Variants in RNGTT observed in about 807,000 individuals in gnomAD.
The protein encoded by RNGTT is mRNA-capping enzyme.
Under a neutral mutation model 79.3 loss-of-function variants are expected in RNGTT, and 33 were observed. That is an observed-to-expected ratio of 0.42 (90% CI 0.32 to 0.56). RNGTT has a LOEUF of 0.56. Ranked by LOEUF, RNGTT falls within the 20% of genes least tolerant of loss-of-function variation. RNGTT has a pLI of 0.17. For missense variants in RNGTT, 497 were observed against 739.1 expected (o/e 0.67, Z 3.80); for synonymous variants, 222 against 235.9 (o/e 0.94, Z 0.54).
intron 11 of RNGTT, among the ~76,000 whole-genome samples, chr6:88,843,628 G>A (rs190997200): frequency 1.1e-3 from 153 of 136,880 alleles, no homozygotes; most frequent in Non-Finnish European, 1.5e-3. Context: ...GCGCAATCTC[G>A]GCTCACTGCA....
At chr6:88,708,808 G>T (rs73496451) in intron 13 of RNGTT, among the ~76,000 whole-genome samples, 1,959 of 152,072 alleles carry the variant, frequency 0.013, 47 homozygotes, top group African/African-American at 0.045. Context: ...AAGAAAAGGG[G>T]TTTTTGAATC....
intron 14 of RNGTT, among the ~76,000 whole-genome samples, chr6:88,644,860 A>AT (rs1390817152): frequency 1.3e-5 from 2 of 152,224 alleles, no homozygotes; most frequent in Admixed American, 6.5e-5. Flanking sequence ...TCTCAAAACA[A>AT]TAAGAGCTAT....
intron 1 of RNGTT, among the ~76,000 whole-genome samples, chr6:88,951,430 C>T (rs1225957538): frequency 2.6e-5 from 4 of 152,166 alleles, no homozygotes; most frequent in African/African-American, 9.7e-5. Flanking sequence ...GAAAGTTCTA[C>T]CATGGCTAAA....
At chr6:88,731,461 T>C (rs893210160) in intron 13 of RNGTT, among the ~76,000 whole-genome samples, 3 of 152,254 alleles carry the variant, frequency 2.0e-5, no homozygotes, top group East Asian at 3.9e-4. Flanking sequence ...TGGAATGAGA[T>C]AGTGATTTTA....
At chr6:88,879,822 T>C (rs1338119778) in intron 8 of RNGTT, among the ~76,000 whole-genome samples, 1 of 152,194 alleles carries the variant, frequency 6.6e-6, no homozygotes, top group East Asian at 1.9e-4. Context: ...GACTGTCTTT[T>C]AAGGAGAATG....
intron 4 of RNGTT, among the ~76,000 whole-genome samples, chr6:88,919,519 G>A (rs1784099017): frequency 6.6e-6 from 1 of 151,830 alleles, no homozygotes. Flanking sequence ...GTATAGACAG[G>A]GTCTCTCTAT....
intron 8 of RNGTT, among the ~76,000 whole-genome samples, chr6:88,854,063 T>C (rs1781763343): frequency 6.6e-6 from 1 of 152,032 alleles, no homozygotes; most frequent in African/African-American, 2.4e-5. Flanking sequence ...TAGCTGGAAT[T>C]ACAGGTGTGT....
chr6:88,774,949 TAAAC>T (rs1327534879), intron 12 of RNGTT, among the ~76,000 whole-genome samples: 23 of 152,282 alleles, frequency 1.5e-4, no homozygotes, highest in Admixed American at 4.6e-4. Flanking sequence ...ATTATTTTAA[TAAAC>T]AAAAGCTTTG....
intron 10 of RNGTT, among the ~76,000 whole-genome samples, chr6:88,846,000 TAA>T (rs202222998): frequency 9.8e-5 from 14 of 142,928 alleles, no homozygotes; most frequent in African/African-American, 1.8e-4. Context: ...TTTTATGTTC[TAA>T]AAAAAAAAAA....
chr6:88,687,776 A>G (rs1005400350), intron 13 of RNGTT, among the ~76,000 whole-genome samples: 2 of 152,222 alleles, frequency 1.3e-5, no homozygotes, highest in Admixed American at 1.3e-4. Context: ...GAAGGCTAAA[A>G]CAGAAACTAA....
chr6:88,774,400 G>A (rs1035652560), intron 12 of RNGTT, among the ~76,000 whole-genome samples: 1 of 152,068 alleles, frequency 6.6e-6, no homozygotes, highest in African/African-American at 2.4e-5. Flanking sequence ...AGCCACTATA[G>A]ATAAAAGGTT....
rs148306330 is a variant in RNGTT, at chr6:88,764,920, C to T, written c.1439+4854G>A. On this transcript the variant is annotated intron_variant, in intron 13 of 15. Coordinates refer to ENST00000369485, the MANE Select transcript of RNGTT (RefSeq NM_003800.5). ...AAAAAATTACATTTTGGGCCAGGTGCGGTGGCTCACACCTGTAATCCCAGC... is the reference window on the plus strand; with the variant it reads ...AAAAAATTACATTTTGGGCCAGGTGTGGTGGCTCACACCTGTAATCCCAGC... Among the ~76,000 whole-genome samples, 759 of 152,148 alleles carry T rather than the reference C, an allele frequency of 5.0e-3. 5 individuals are homozygous for T. Among genetic ancestry groups the T allele is most frequent in the African/African-American group, 0.017 (702 of 41,518 alleles).
chr6:88,741,997 A>G (rs1245602356), intron 13 of RNGTT, among the ~76,000 whole-genome samples: 1 of 152,224 alleles, frequency 6.6e-6, no homozygotes, highest in Non-Finnish European at 1.5e-5. Context: ...CATTACAAGA[A>G]GAAAGCTGAA....
chr6:88,908,289 C>T (rs1385690804), intron 4 of RNGTT, among the ~76,000 whole-genome samples: 1 of 152,054 alleles, frequency 6.6e-6, no homozygotes, highest in African/African-American at 2.4e-5. Context: ...CTTTGAAAGA[C>T]ATCATTAAGA....
intron 7 of RNGTT, 51 bp downstream of exon 7, chr6:88,891,755 T>G: frequency 8.9e-7 from 1 of 1,120,544 alleles, no homozygotes; most frequent in South Asian, 1.6e-5. Context: ...TTGTATTAAG[T>G]GTTGTAAAAT....
At chr6:88,637,535 G>A (rs1198877547) in intron 14 of RNGTT, among the ~76,000 whole-genome samples, 1 of 152,072 alleles carries the variant, frequency 6.6e-6, no homozygotes, top group African/African-American at 2.4e-5. Context: ...CCTGAGCAGT[G>A]CCCCATGCAA....
Position 88,614,404 on chromosome 6 carries a change from A to G in RNGTT, c.1507-9T>C, listed in dbSNP as rs1184687359. 2 of 1,612,758 alleles carry G rather than the reference A, an allele frequency of 1.2e-6. No homozygotes were observed. The highest frequency in any genetic ancestry group is 2.2e-5 in the South Asian group (2 of 90,930). ...TTCAGCTCTTTTGTCACCTGTTTTG[A>G]AAGAGAATTGAGGAAAATATTTAAA... On this transcript the variant is annotated splice_polypyrimidine_tract_variant and intron_variant, in intron 14 of 15. Coordinates refer to ENST00000369485, the MANE Select transcript of RNGTT (RefSeq NM_003800.5).
chr6:88,947,042 T>C (rs1345602972), intron 1 of RNGTT, among the ~76,000 whole-genome samples: 6 of 32,116 alleles, frequency 1.9e-4, no homozygotes, highest in African/African-American at 5.9e-4. Context: ...AGTGCCGAGA[T>C]TGCAGCCTCT....
intron 4 of RNGTT, among the ~76,000 whole-genome samples, chr6:88,908,044 T>C (rs2127944198): frequency 6.6e-6 from 1 of 152,308 alleles, no homozygotes; most frequent in African/African-American, 2.4e-5. Context: ...TGTATCTTTC[T>C]AATATTACCT....
Sources: allele counts gnomAD v4.1 joint callset (sites outside exome capture counted in the v4.1 genomes callset), GRCh38; gene constraint gnomAD v4.1.1; transcripts MANE v1.5; gene names NCBI Gene and HGNC (gene_info 2026-07-23, HGNC 2026-07-21).